The following FAM151B variants were observed in gnomAD, a reference collection of about 807,000 sequenced individuals.
FAM151B encodes protein FAM151B.
A neutral mutation model predicts 31.2 loss-of-function variants in FAM151B; 24 were observed. The observed-to-expected ratio is 0.77, with a 90% CI of 0.56 to 1.08. The LOEUF is 1.08. FAM151B is among the 50% of genes least tolerant of loss of function. The pLI, the probability that FAM151B is intolerant of heterozygous loss-of-function variation, is 0.00. For synonymous variants in FAM151B, 105 were observed against 111.4 expected, an observed-to-expected ratio of 0.94 and a Z score of 0.36; for missense variants, 293 against 328.6, an observed-to-expected ratio of 0.89 and a Z score of 0.84.
In FAM151B at chr5:80,513,213, G is replaced by A. The variant is rs148678543; in HGVS notation, c.152-391G>A. 9.0e-3 allele frequency among the ~76,000 whole-genome samples: 1,372 copies of A among 152,294 alleles called. 13 individuals are homozygous for A. The highest frequency in any genetic ancestry group is 0.014 in the Middle Eastern group (4 of 294). ...TTTTAATGTAGATTTTCAAACATGA[G>A]CAATGAATATCCATAATTTCTAATT... is the stretch of plus-strand genomic sequence containing the variant. On this transcript the variant is annotated intron_variant, in intron 2 of 5. Coordinates refer to ENST00000282226, the MANE Select transcript of FAM151B (RefSeq NM_205548.3).
chr5:80,493,682 A>G (rs906258162), intron 1 of FAM151B, among the ~76,000 whole-genome samples: 2 of 152,182 alleles, frequency 1.3e-5, no homozygotes, highest in African/African-American at 4.8e-5. Context: ...GGCCTCCTGC[A>G]GTACCCTCAG....
At chr5:80,505,932 A>AT (rs1743941161) in intron 2 of FAM151B, 3 of 208,424 alleles carry the variant, frequency 1.4e-5, no homozygotes, top group Non-Finnish European at 2.7e-5. Flanking sequence ...AATTTTTTGT[A>AT]TTTTTTGTAG....
chr5:80,511,703 T>G (rs1049051250), intron 2 of FAM151B, among the ~76,000 whole-genome samples: 1 of 152,014 alleles, frequency 6.6e-6, no homozygotes, highest in Non-Finnish European at 1.5e-5. Flanking sequence ...GCCTCCTGGG[T>G]TCAAGTGATT....
chr5:80,514,258 C>T (rs558653660), intron 3 of FAM151B, among the ~76,000 whole-genome samples: 31 of 151,898 alleles, frequency 2.0e-4, no homozygotes, highest in African/African-American at 5.1e-4. Context: ...GCGAATCAAC[C>T]GAGGTCAGGA....
chr5:80,524,999 A>T (rs750255967), intron 5 of FAM151B, among the ~76,000 whole-genome samples: 19 of 152,222 alleles, frequency 1.2e-4, no homozygotes, highest in Non-Finnish European at 2.6e-4. Context: ...TTCATCATAG[A>T]GAGCATTAGA....
intron 3 of FAM151B, chr5:80,519,012 T>C (rs1458267244): frequency 6.6e-6 from 1 of 152,226 alleles, no homozygotes; most frequent in Non-Finnish European, 1.5e-5. Flanking sequence ...TCTGTAGTTA[T>C]CAGCTAGAAT....
intron 2 of FAM151B, chr5:80,510,822 C>T (rs979756771): frequency 2.0e-5 from 3 of 152,132 alleles, no homozygotes; most frequent in Non-Finnish European, 4.4e-5. Context: ...CATTCCTTCC[C>T]GCTGATGAAA....
intron 1 of FAM151B, among the ~76,000 whole-genome samples, chr5:80,494,763 C>T (rs1188634571): frequency 6.6e-6 from 1 of 152,074 alleles, no homozygotes; most frequent in Non-Finnish European, 1.5e-5. Context: ...ATCCTCCCAC[C>T]TCAGCCTCCC....
intron 1 of FAM151B, among the ~76,000 whole-genome samples, chr5:80,493,703 A>T (rs777421006): frequency 1.3e-5 from 2 of 152,150 alleles, no homozygotes; most frequent in Non-Finnish European, 2.9e-5. Flanking sequence ...GCTTACTAGG[A>T]TTGGGAAATT....
chr5:80,518,133 C>T (rs1744547440), intron 3 of FAM151B, among the ~76,000 whole-genome samples: 1 of 150,708 alleles, frequency 6.6e-6, no homozygotes, highest in Non-Finnish European at 1.5e-5. Context: ...AATCTTAAAC[C>T]ACTCACTCTA....
chr5:80,498,104 A>G (rs1483567521), intron 1 of FAM151B, among the ~76,000 whole-genome samples: 1 of 152,202 alleles, frequency 6.6e-6, no homozygotes, highest in African/African-American at 2.4e-5. Context: ...TCTATCATGC[A>G]TATGTACTGT....
intron 1 of FAM151B, 109 bp from the exon 2 acceptor site, chr5:80,501,682 AT>A: frequency 1.5e-6 from 1 of 680,662 alleles, no homozygotes. Context: ...CTATATATAT[AT>A]ATCACATAAC....
chr5:80,511,748 A>G (rs1295448020), intron 2 of FAM151B, among the ~76,000 whole-genome samples: 3 of 152,070 alleles, frequency 2.0e-5, no homozygotes, highest in African/African-American at 7.2e-5. Context: ...CTGGGATTAC[A>G]GGCGCCTGCC....
intron 5 of FAM151B, among the ~76,000 whole-genome samples, chr5:80,532,041 G>A (rs1745265633): frequency 6.6e-6 from 1 of 152,030 alleles, no homozygotes; most frequent in South Asian, 2.1e-4. Context: ...TATACACCAT[G>A]GAATACTATG....
At chr5:80,526,360 C>G (rs1744968955) in intron 5 of FAM151B, among the ~76,000 whole-genome samples, 1 of 151,650 alleles carries the variant, frequency 6.6e-6, no homozygotes, top group South Asian at 2.1e-4. Flanking sequence ...GTAATCCTAG[C>G]ACTTTGGGAG....
chr5:80,538,448 C>CTTTCTTTCTTTCTT, intron 5 of FAM151B, among the ~76,000 whole-genome samples: 1 of 49,362 alleles, frequency 2.0e-5, no homozygotes, highest in South Asian at 7.8e-4. Flanking sequence ...TTCTTTCTTT[C>CTTTCTTTCTTTCTT]TCTTTCTTTC....
intron 5 of FAM151B, among the ~76,000 whole-genome samples, chr5:80,538,372 T>TTTTCTTTCTTTCTTTCTTTC (rs1315996184): frequency 2.7e-5 from 3 of 111,632 alleles, no homozygotes; most frequent in Non-Finnish European, 4.0e-5. Flanking sequence ...CAGCCTTTCT[T>TTTTCTTTCTTTCTTTCTTTC]TTTCTTTCTT....
At chr5:80,535,014 A>G (rs1745427165) in intron 5 of FAM151B, among the ~76,000 whole-genome samples, 1 of 152,316 alleles carries the variant, frequency 6.6e-6, no homozygotes, top group East Asian at 1.9e-4. Flanking sequence ...AATAGCCACA[A>G]TTAAAATTAA....
intron 5 of FAM151B, among the ~76,000 whole-genome samples, chr5:80,528,502 A>G (rs1018305469): frequency 6.6e-6 from 1 of 152,166 alleles, no homozygotes; most frequent in Non-Finnish European, 1.5e-5. Flanking sequence ...AGACACACAT[A>G]GACTGAAAAG....
Sources: allele counts gnomAD v4.1 joint callset (sites outside exome capture counted in the v4.1 genomes callset), GRCh38; gene constraint gnomAD v4.1.1; transcripts MANE v1.5; gene names NCBI Gene and HGNC (gene_info 2026-07-23, HGNC 2026-07-21).